MORN1: variants seen among roughly 807,000 people sequenced by gnomAD.
MORN1 encodes MORN repeat-containing protein 1.
In MORN1, 67 loss-of-function variants were observed where a neutral mutation model predicts 61.9. That is an observed-to-expected ratio of 1.08 (90% CI 0.89 to 1.33). MORN1 has a LOEUF of 1.33. Ranked by LOEUF, MORN1 falls within the 40% of genes most tolerant of loss-of-function variation. The pLI is 0.00. For missense variants in MORN1, 752 were observed against 691.2 expected, an observed-to-expected ratio of 1.09 and a Z score of -0.99; for synonymous variants, 301 against 292.0, an observed-to-expected ratio of 1.03 and a Z score of -0.31.
intron 12 of MORN1, chr1:2,332,745 G>A (rs1641186327): frequency 2.2e-6 from 1 of 456,392 alleles, no homozygotes; most frequent in Non-Finnish European, 4.4e-6. Context: ...GTTAGCTCCT[G>A]TTGGGATCCT....
intron 12 of MORN1, among the ~76,000 whole-genome samples, chr1:2,335,829 A>AGCCCAGCCCGGCCCGGCCCG (rs1553208731): frequency 1.4e-5 from 2 of 139,352 alleles, no homozygotes; most frequent in African/African-American, 6.7e-5. Flanking sequence ...TCGCCTCCAT[A>AGCCCAGCCCGGCCCGGCCCG]GCCCAGCCCA....
intron 9 of MORN1, 130 bp downstream of exon 9, chr1:2,358,462 A>G: frequency 8.1e-7 from 1 of 1,230,366 alleles, no homozygotes; most frequent in Non-Finnish European, 1.1e-6. Context: ...TAGAACAGAC[A>G]TCGAATATTT....
At chr1:2,366,669 G>T (rs1293764566) in intron 8 of MORN1, among the ~76,000 whole-genome samples, 1 of 151,982 alleles carries the variant, frequency 6.6e-6, no homozygotes, top group Non-Finnish European at 1.5e-5. Flanking sequence ...GATTACAGGT[G>T]TGAACCACCA....
At position 2,321,376 on chromosome 1, in the gene MORN1, C is replaced by T. The variant is rs573677903; in HGVS notation, c.*7G>A. ...ACACCGAGGTGGCCTCCTGTGGACA[C>T]GGGGCCTCACCGAGGCGCTGGCGGC... On this transcript the variant is annotated 3_prime_UTR_variant, in exon 14 of 14. Transcript: ENST00000378531. 33 of 1,503,704 alleles carry T rather than the reference C, an allele frequency of 2.2e-5. No homozygotes were observed. Among genetic ancestry groups the T allele is most frequent in the Middle Eastern group, 2.1e-4 (1 of 4,778 alleles). The allele number at this position is 1,503,704 out of a possible 1,614,324, so 93.1% of individuals were successfully genotyped here.
intron 2 of MORN1, 164 bp from the exon 3 acceptor site, chr1:2,388,501 C>G: frequency 1.7e-6 from 1 of 585,024 alleles, no homozygotes; most frequent in Non-Finnish European, 3.0e-6. Flanking sequence ...AAAAAATGTT[C>G]TCAAAAATAT....
At chr1:2,329,078 G>C (rs1312249893) in intron 12 of MORN1, among the ~76,000 whole-genome samples, 1 of 152,210 alleles carries the variant, frequency 6.6e-6, no homozygotes, top group Non-Finnish European at 1.5e-5. Context: ...TGGGCGGTCA[G>C]CTTCAGGCCT....
At chr1:2,328,773 C>T (rs1363837682) in intron 12 of MORN1, among the ~76,000 whole-genome samples, 1 of 152,230 alleles carries the variant, frequency 6.6e-6, no homozygotes, top group Admixed American at 6.5e-5. Flanking sequence ...CAGACGCCAG[C>T]CCCAGCTCCT....
intron 12 of MORN1, among the ~76,000 whole-genome samples, chr1:2,325,294 C>CTG (rs1166011587): frequency 3.4e-5 from 5 of 145,622 alleles, no homozygotes; most frequent in Non-Finnish European, 7.5e-5. Context: ...TCTCCTCTCT[C>CTG]TCTCTCTCTC....
chr1:2,387,436 G>A lies in MORN1; in HGVS notation c.341C>T (p.Ser114Phe), dbSNP rs201695167. Residue 114 changes from serine (S) to phenylalanine (F), a missense_variant, in exon 4 of 14, where the codon TCC becomes TTC. Physicochemically the swap from Ser to Phe is radical, Grantham distance 155 (BLOSUM62 -2). Coordinates refer to ENST00000378531, the MANE Select transcript of MORN1 (RefSeq NM_024848.3). ...KAGGCYEGEV[S>F]HGMREGHGFL... ...CGCCAGACCTTCCCGCATGCCGTGGGAGACCTCCCCTTCATAACATCCGCC... is the reference window on the plus strand; with the variant it reads ...CGCCAGACCTTCCCGCATGCCGTGGAAGACCTCCCCTTCATAACATCCGCC... The A allele has an allele frequency of 1.9e-6, 3 of 1,613,346 alleles. No homozygotes were observed. Among genetic ancestry groups the A allele is most frequent in the Non-Finnish European group, 2.5e-6 (3 of 1,179,934 alleles).
chr1:2,377,983 C>T (rs990120314), intron 6 of MORN1: 4 of 152,424 alleles, frequency 2.6e-5, no homozygotes, highest in African/African-American at 4.8e-5. Flanking sequence ...CCTGCCGGAC[C>T]CTTCTGCCTG....
intron 10 of MORN1, among the ~76,000 whole-genome samples, chr1:2,345,953 G>A (rs72920968): frequency 0.11 from 16,500 of 151,342 alleles, 2,642 homozygotes; most frequent in African/African-American, 0.35. Flanking sequence ...TGCCAAAGAT[G>A]CAGCCTGCAT....
At chr1:2,332,900 C>T (rs533853976) in intron 12 of MORN1, 265 of 362,202 alleles carry the variant, frequency 7.3e-4, no homozygotes, top group African/African-American at 5.4e-3. Context: ...GACTGGGGCT[C>T]GGGCTGGGGC....
At chr1:2,380,762 C>A (rs1642353071) in intron 6 of MORN1, among the ~76,000 whole-genome samples, 1 of 152,160 alleles carries the variant, frequency 6.6e-6, no homozygotes, top group Non-Finnish European at 1.5e-5. Flanking sequence ...CCCTGTGTTG[C>A]CCAGGCTGGT....
At chr1:2,321,657 C>T in intron 13 of MORN1, 78 bp from the exon 14 acceptor site, 1 of 1,408,632 alleles carries the variant, frequency 7.1e-7, no homozygotes, top group Non-Finnish European at 9.3e-7. Context: ...TGCCCACTGT[C>T]TCATGTGCCC....
intron 10 of MORN1, among the ~76,000 whole-genome samples, chr1:2,345,826 C>T (rs891000609): frequency 2.1e-4 from 21 of 102,024 alleles, no homozygotes; most frequent in African/African-American, 8.2e-4. Flanking sequence ...CACATGTATG[C>T]GGCCACACAC....
At chr1:2,321,622 C>G (rs1317361988) in intron 13 of MORN1, 43 bp from the exon 14 acceptor site, 2 of 1,435,496 alleles carry the variant, frequency 1.4e-6, no homozygotes, top group Non-Finnish European at 1.8e-6. Flanking sequence ...GCTCCTGTCC[C>G]TTCCCCTCCC....
intron 7 of MORN1, 102 bp downstream of exon 7, chr1:2,374,359 C>A (rs1642187973): frequency 1.0e-6 from 1 of 969,240 alleles, no homozygotes; most frequent in East Asian, 2.7e-5. Flanking sequence ...CCACCCCTCC[C>A]CAGTGTGCTC....
intron 12 of MORN1, among the ~76,000 whole-genome samples, chr1:2,324,933 T>G (rs1380690369): frequency 1.3e-5 from 2 of 151,316 alleles, no homozygotes; most frequent in African/African-American, 4.9e-5. Flanking sequence ...GACGTGGCCA[T>G]GGCCCTGGCG....
In MORN1 at chr1:2,336,508, C is replaced by T. The variant is rs1279378065; in HGVS notation, c.1211G>A (p.Gly404Glu). Residue 404 changes from glycine (G) to glutamate (E), a missense_variant, in exon 12 of 14, where the codon GGG becomes GAG. By Grantham distance (98) the Gly-to-Glu change is moderately conservative (BLOSUM62 -2). Coordinates refer to ENST00000378531, the MANE Select transcript of MORN1 (RefSeq NM_024848.3). ...GRSRGGLHPRGTPPTAQEPPG... is the reference protein window; with the variant it reads ...GRSRGGLHPRETPPTAQEPPG... ...AGGCTCCTGTGCCGTGGGTGGTGTCCCCCTGGGGTGCAGGCCGCCTCTGGA... is the reference window on the plus strand; with the variant it reads ...AGGCTCCTGTGCCGTGGGTGGTGTCTCCCTGGGGTGCAGGCCGCCTCTGGA... 1.9e-6 allele frequency: 3 copies of T among 1,612,740 alleles called. No individual in the cohort carries two copies. Among genetic ancestry groups the T allele is most frequent in the South Asian group, 2.2e-5 (2 of 91,058 alleles).
Sources: allele counts gnomAD v4.1 joint callset (sites outside exome capture counted in the v4.1 genomes callset), GRCh38; gene constraint gnomAD v4.1.1; transcripts MANE v1.5; gene names NCBI Gene and HGNC (gene_info 2026-07-23, HGNC 2026-07-21).